DOCK8: variants seen among roughly 807,000 people sequenced by gnomAD.
DOCK8 encodes the protein dedicator of cytokinesis protein 8.
In DOCK8, 141 loss-of-function variants were observed where a neutral mutation model predicts 245.6. The ratio of observed to expected loss-of-function variants is 0.57; its 90% confidence interval spans 0.50 to 0.66. The LOEUF (loss-of-function observed/expected upper bound fraction) is 0.66. Ranked by LOEUF, DOCK8 falls within the 30% of genes least tolerant of loss-of-function variation. DOCK8 has a pLI of 0.00. For synonymous variants in DOCK8, 1,168 were observed against 970.2 expected (o/e 1.20, Z -3.79); for missense variants, 2,965 against 2,603.4 (o/e 1.14, Z -3.02).
chr9:249,992 A>G (rs785842), intron 1 of DOCK8, among the ~76,000 whole-genome samples: 33,768 of 151,974 alleles, frequency 0.22, 4,360 homozygotes, highest in East Asian at 0.39. Context: ...ATAATGTTGC[A>G]GGTAGTCCAA....
intron 1 of DOCK8, among the ~76,000 whole-genome samples, chr9:225,143 G>A (rs2046964038): frequency 6.7e-6 from 1 of 150,150 alleles, no homozygotes; most frequent in South Asian, 2.1e-4. Context: ...AAACAGACAA[G>A]CAGCCTATGC....
chr9:423,317 T>C (rs894039151), intron 33 of DOCK8, among the ~76,000 whole-genome samples: 44 of 152,338 alleles, frequency 2.9e-4, no homozygotes, highest in African/African-American at 9.9e-4. Context: ...AAAGTATATA[T>C]GTTTGACTAG....
chr9:312,103 C>T lies in DOCK8; in HGVS notation c.678C>T (p.Asn226=), dbSNP rs1464852897. The change falls in exon 6 of 48, where the codon AAC becomes AAT. Residue 226 remains asparagine (N), a synonymous_variant. Coordinates refer to ENST00000432829, the MANE Select transcript of DOCK8 (RefSeq NM_203447.4). The stretch of plus-strand genomic sequence containing the variant: ...GTGCCGAGGACTTTGAGAAGCAGAA[C>T]GAGGAGGCCCGGAGGACCAATAGGC... ...QVSAEDFEKQ[N]EEARRTNRQA... The T allele has an allele frequency of 7.4e-6, 12 of 1,614,198 alleles. No individual in the cohort carries two copies. The highest frequency in any genetic ancestry group is 1.7e-5 in the Admixed American group (1 of 60,030).
chr9:417,983 T>G, intron 29 of DOCK8, 85 bp from the exon 30 acceptor site: 2 of 1,573,704 alleles, frequency 1.3e-6, no homozygotes, highest in East Asian at 4.5e-5. Context: ...CTTTAGTGAC[T>G]GAGAAGTATC....
chr9:332,375 T>C (rs1300007041), intron 9 of DOCK8, 23 bp from the exon 10 acceptor site: 1 of 1,551,056 alleles, frequency 6.4e-7, no homozygotes, highest in Non-Finnish European at 8.9e-7. Flanking sequence ...TGTGCCTTAT[T>C]TTAATATTCT....
intron 29 of DOCK8, 142 bp downstream of exon 29, chr9:415,093 A>G: frequency 8.4e-7 from 1 of 1,193,038 alleles, no homozygotes; most frequent in South Asian, 1.2e-5. Context: ...AAACCTCTTT[A>G]ACACTGGCCC....
rs1400227154 is a variant in DOCK8, at chr9:330,742, G to A, written c.1045-1656G>A. ...TCTGTTCCCTTAAGAAAAGTTTTAG[G>A]TTAATCTGATAGGCTTATTTGCCCT... On this transcript the variant is annotated intron_variant, in intron 9 of 47. Transcript: ENST00000432829. 7.9e-5 allele frequency among the ~76,000 whole-genome samples: 12 copies of A among 152,140 alleles called. No individual in the cohort carries two copies. The South Asian group carries it at 1.0e-3, about 13-fold the overall frequency.
chr9:244,580 T>C (rs1484516631), intron 1 of DOCK8, among the ~76,000 whole-genome samples: 1 of 152,206 alleles, frequency 6.6e-6, no homozygotes, highest in Non-Finnish European at 1.5e-5. Context: ...TTCAAGAGGA[T>C]ATGTTTTGCT....
At chr9:246,604 G>A (rs1238245535) in intron 1 of DOCK8, among the ~76,000 whole-genome samples, 1 of 152,088 alleles carries the variant, frequency 6.6e-6, no homozygotes, top group Non-Finnish European at 1.5e-5. Context: ...GAATGTAAGA[G>A]TATTTAAGGG....
At position 348,758 on chromosome 9, in the gene DOCK8, T is replaced by C. The variant is rs1339028458; in HGVS notation, c.1679+8437T>C. ...TTTAAAATCAGTCCTTTGAAGTGGC[T>C]TCTTCTCTTCTGACGGGACAGCTTT... On this transcript the variant is annotated intron_variant, in intron 14 of 47. Coordinates refer to ENST00000432829, the MANE Select transcript of DOCK8 (RefSeq NM_203447.4). Among the ~76,000 whole-genome samples, 3 of 152,360 alleles carry C rather than the reference T, an allele frequency of 2.0e-5. No homozygotes were observed. In the South Asian group the frequency reaches 6.2e-4, roughly 32 times the overall value.
At chr9:366,230 A>T (rs2052992473) in intron 14 of DOCK8, 1 of 153,300 alleles carries the variant, frequency 6.5e-6, no homozygotes, top group African/African-American at 2.4e-5. Context: ...AAGCTCATTG[A>T]GTATTGTCAC....
At chr9:223,302 A>G (rs1394799061) in intron 1 of DOCK8, among the ~76,000 whole-genome samples, 20 of 152,182 alleles carry the variant, frequency 1.3e-4, no homozygotes, top group Admixed American at 1.3e-3. Context: ...TAGGCTGGTT[A>G]GTTCATTCAT....
intron 37 of DOCK8, among the ~76,000 whole-genome samples, chr9:432,816 G>A (rs978192916): frequency 6.6e-6 from 1 of 152,172 alleles, no homozygotes; most frequent in Admixed American, 6.5e-5. Flanking sequence ...AGCTTGTCTG[G>A]TGAGGGGTAA....
At chr9:318,043 A>G (rs977684309) in intron 7 of DOCK8, among the ~76,000 whole-genome samples, 16 of 152,160 alleles carry the variant, frequency 1.1e-4, no homozygotes, top group African/African-American at 3.9e-4. Flanking sequence ...TATCTACATT[A>G]TAAAACATAA....
upstream of DOCK8, among the ~76,000 whole-genome samples, chr9:211,796 A>G (rs1423197811): frequency 6.6e-6 from 1 of 152,130 alleles, no homozygotes; most frequent in East Asian, 1.9e-4. Flanking sequence ...AATTAGCAAA[A>G]AGCTGAAGCC....
At chr9:425,717 A>G (rs2056471368) in intron 33 of DOCK8, among the ~76,000 whole-genome samples, 1 of 150,296 alleles carries the variant, frequency 6.7e-6, no homozygotes, top group African/African-American at 2.5e-5. Flanking sequence ...TGATAGTGCC[A>G]CTGCACTCTA....
intron 26 of DOCK8, among the ~76,000 whole-genome samples, chr9:399,911 G>C (rs994105340): frequency 6.6e-6 from 1 of 151,224 alleles, no homozygotes. Flanking sequence ...CATCATTACT[G>C]CTACTACTAC....
intron 1 of DOCK8, among the ~76,000 whole-genome samples, chr9:261,640 A>G (rs1024169767): frequency 6.6e-6 from 1 of 152,186 alleles, no homozygotes; most frequent in African/African-American, 2.4e-5. Context: ...ATCATGTTCA[A>G]GCTCTGTGTA....
chr9:286,753 TTCAAATG>T (rs1163634010), intron 3 of DOCK8, 117 bp downstream of exon 3: 1 of 974,302 alleles, frequency 1.0e-6, no homozygotes. Context: ...ACTCAATCCA[TTCAAATG>T]TGTGGGACAG....
Sources: gnomAD v4.1 joint callset for allele counts (sites outside exome capture counted in the v4.1 genomes callset) on GRCh38, gnomAD v4.1.1 for gene constraint, MANE v1.5 for transcripts, NCBI Gene and HGNC (gene_info 2026-07-23, HGNC 2026-07-21) for gene names.